The following CDK14 variants were observed in gnomAD, a reference collection of about 807,000 sequenced individuals.
CDK14 encodes the protein cyclin dependent kinase 14, also known as cyclin-dependent kinase 14.
A neutral mutation model predicts 60.7 loss-of-function variants in CDK14; 34 were observed. That is an observed-to-expected ratio of 0.56 (90% CI 0.43 to 0.75). The LOEUF is 0.75. Among genes scored for constraint, CDK14 ranks in the 30% least tolerant of loss-of-function variants. CDK14 has a pLI of 0.00. For missense variants in CDK14, 482 were observed against 564.1 expected (o/e 0.85, Z 1.47); for synonymous variants, 197 against 203.7 (o/e 0.97, Z 0.28).
rs1455172839 is a variant in CDK14 at position 90,843,902 on chromosome 7, T to C, written c.545-19273T>C. Among the ~76,000 whole-genome samples the C allele has an allele frequency of 4.6e-5, 7 of 152,208 alleles. No homozygotes were observed. The South Asian group carries it at 8.3e-4, about 18-fold the overall frequency. ...TAATGTAATGTAATTTTTACTGATA[T>C]ATATCCCATTGTCAAACTTCCATTT... On this transcript the variant is annotated intron_variant, in intron 5 of 14. Transcript: ENST00000380050.
chr7:90,638,662 A>G (rs1306246532), intron 2 of CDK14, among the ~76,000 whole-genome samples: 2 of 152,038 alleles, frequency 1.3e-5, no homozygotes, highest in Admixed American at 6.6e-5. Flanking sequence ...TATTTCCTGA[A>G]TCTGAACGTT....
intron 8 of CDK14, among the ~76,000 whole-genome samples, chr7:90,924,100 AT>A (rs1181837835): frequency 6.6e-6 from 1 of 152,258 alleles, no homozygotes; most frequent in Non-Finnish European, 1.5e-5. Context: ...TGATTTATAA[AT>A]AAAAAAATTA....
At chr7:90,895,133 A>T (rs1200365852) in intron 6 of CDK14, among the ~76,000 whole-genome samples, 1 of 152,070 alleles carries the variant, frequency 6.6e-6, no homozygotes, top group African/African-American at 2.4e-5. Context: ...TTTTATTAAA[A>T]CAGTCTGAAT....
chr7:90,974,732 A>G lies in CDK14; in HGVS notation c.948-9416A>G, dbSNP rs552867862. Among the ~76,000 whole-genome samples the G allele has an allele frequency of 4.6e-5, 7 of 152,294 alleles. No homozygotes were observed. In the East Asian group the frequency reaches 1.4e-3, roughly 29 times the overall value. On this transcript the variant is annotated intron_variant, in intron 9 of 14. Transcript: ENST00000380050. ...ATCTTTTTGAGAAAATTGACTGAGTATAGTCCCTTGAAAATATGCATCAAA... is the reference window on the plus strand; with the variant it reads ...ATCTTTTTGAGAAAATTGACTGAGTGTAGTCCCTTGAAAATATGCATCAAA...
intron 6 of CDK14, among the ~76,000 whole-genome samples, chr7:90,883,440 A>G (rs185977566): frequency 6.6e-6 from 1 of 152,314 alleles, no homozygotes; most frequent in Admixed American, 6.5e-5. Flanking sequence ...AAGTTCTGAA[A>G]TTGAGGCAGT....
chr7:90,890,113 C>G (rs1425599236), intron 6 of CDK14, among the ~76,000 whole-genome samples: 2 of 152,246 alleles, frequency 1.3e-5, no homozygotes, highest in African/African-American at 4.8e-5. Context: ...TGGCCCAAGC[C>G]TGTCATCCTA....
At chr7:91,155,638 C>T (rs1800959893) in intron 14 of CDK14, among the ~76,000 whole-genome samples, 1 of 152,090 alleles carries the variant, frequency 6.6e-6, no homozygotes, top group Admixed American at 6.5e-5. Context: ...TTCATGTAAC[C>T]ATTAAAAACA....
At chr7:91,202,436 G>C (rs1802757894) in intron 14 of CDK14, among the ~76,000 whole-genome samples, 1 of 152,134 alleles carries the variant, frequency 6.6e-6, no homozygotes, top group African/African-American at 2.4e-5. Context: ...TATAATTCAT[G>C]TACACTGTTC....
At position 90,634,629 on chromosome 7, in the gene CDK14, G is replaced by A. The variant is rs1301612732; in HGVS notation, c.123+30380G>A. On this transcript the variant is annotated intron_variant, in intron 2 of 14. Coordinates refer to ENST00000380050, the MANE Select transcript of CDK14 (RefSeq NM_001287135.2). Reference sequence around the variant, plus strand: ...TGTCTTTATAGCAGCACGATTTATAGTCCTTTGGGTATATACCCAGTAATG... The same window carrying A: ...TGTCTTTATAGCAGCACGATTTATAATCCTTTGGGTATATACCCAGTAATG... Among the ~76,000 whole-genome samples, 14 of 152,144 alleles carry A rather than the reference G, an allele frequency of 9.2e-5. No individual in the cohort carries two copies. In the East Asian group the frequency reaches 2.7e-3, roughly 29 times the overall value.
intron 5 of CDK14, among the ~76,000 whole-genome samples, chr7:90,808,803 C>G (rs1788970847): frequency 6.6e-6 from 1 of 152,092 alleles, no homozygotes; most frequent in South Asian, 2.1e-4. Flanking sequence ...CAAAAAAAGG[C>G]AGGGGTTGCA....
chr7:90,791,841 G>A (rs1442477681), intron 5 of CDK14, among the ~76,000 whole-genome samples: 2 of 151,134 alleles, frequency 1.3e-5, no homozygotes, highest in Admixed American at 6.6e-5. Flanking sequence ...AAGTAGGTAG[G>A]TTTTTCTCTT....
At chr7:90,696,354 T>TG in intron 2 of CDK14, among the ~76,000 whole-genome samples, 1 of 149,062 alleles carries the variant, frequency 6.7e-6, no homozygotes, top group African/African-American at 2.5e-5. Flanking sequence ...TTTTTTTTTT[T>TG]TTTTGAGACA....
Position 90,687,309 on chromosome 7 carries a change from C to T in CDK14, c.124-39258C>T, listed in dbSNP as rs146430028. On this transcript the variant is annotated intron_variant, in intron 2 of 14. Coordinates refer to ENST00000380050, the MANE Select transcript of CDK14 (RefSeq NM_001287135.2). ...ACATGAGTCTATTATATTTATTAAC[C>T]GAGCAGAGTTAAGGGTCTATTTAGG... Among the ~76,000 whole-genome samples, 901 of 152,010 alleles carry T rather than the reference C, an allele frequency of 5.9e-3. 10 individuals carry two copies. The highest frequency in any genetic ancestry group is 0.01 in the Middle Eastern group (3 of 294).
intron 5 of CDK14, among the ~76,000 whole-genome samples, chr7:90,813,683 A>G (rs1789231660): frequency 6.6e-6 from 1 of 152,076 alleles, no homozygotes; most frequent in Non-Finnish European, 1.5e-5. Context: ...CAGGAGGCAG[A>G]GGTTGCAGTG....
chr7:90,649,236 G>GTTTCTTTCTTTCTTTCTTTGTTTC lies in CDK14; in HGVS notation c.123+45006_123+45007insGTTTCTTTCTTTCTTTCTTTCTTT, dbSNP rs1563029575. On this transcript the variant is annotated intron_variant, in intron 2 of 14. Coordinates refer to ENST00000380050, the MANE Select transcript of CDK14 (RefSeq NM_001287135.2). ...GAGTCAGCAACAGCTCTAGCCTATAGTTTCTTTCTTTCTTTCTTTCTTTCT... is the reference window on the plus strand; with the variant it reads ...GAGTCAGCAACAGCTCTAGCCTATAGTTTCTTTCTTTCTTTCTTTGTTTCTTTCTTTCTTTCTTTCTTTCTTTCT... Among the ~76,000 whole-genome samples the GTTTCTTTCTTTCTTTCTTTGTTTC allele has an allele frequency of 2.5e-5, 3 of 118,864 alleles. No homozygotes were observed. In the East Asian group the frequency reaches 9.0e-4, roughly 36 times the overall value. 78.0% of individuals were successfully genotyped at this position (118,864 alleles called of 152,430 possible). A position where few individuals can be genotyped will look rare whatever the true frequency, so the allele number is the denominator to read the frequency against.
intron 4 of CDK14, among the ~76,000 whole-genome samples, chr7:90,776,206 T>C (rs1422530849): frequency 2.0e-5 from 3 of 152,182 alleles, no homozygotes; most frequent in Non-Finnish European, 4.4e-5. Context: ...CCTTGATAAC[T>C]TTGCCTTACT....
chr7:91,195,322 C>T (rs919196489), intron 14 of CDK14, among the ~76,000 whole-genome samples: 51 of 152,244 alleles, frequency 3.3e-4, no homozygotes, highest in African/African-American at 1.2e-3. Flanking sequence ...GTGTATTAAT[C>T]GAACATGTTC....
intron 2 of CDK14, 130 bp downstream of exon 2, chr7:90,604,379 T>C: frequency 2.0e-6 from 1 of 500,246 alleles, no homozygotes; most frequent in Non-Finnish European, 3.5e-6. Context: ...GTTTATTTCA[T>C]TGCATTATTA....
At chr7:91,119,836 A>G (rs924485858) in intron 14 of CDK14, among the ~76,000 whole-genome samples, 1 of 152,188 alleles carries the variant, frequency 6.6e-6, no homozygotes, top group Non-Finnish European at 1.5e-5. Flanking sequence ...TTGCCACTCC[A>G]TAGGTAAGAG....
Sources: gnomAD v4.1 joint callset for allele counts (sites outside exome capture counted in the v4.1 genomes callset) on GRCh38, gnomAD v4.1.1 for gene constraint, MANE v1.5 for transcripts, NCBI Gene and HGNC (gene_info 2026-07-23, HGNC 2026-07-21) for gene names.